The following ZNF717 variants were observed in gnomAD, a reference collection of about 807,000 sequenced individuals.
The protein encoded by ZNF717 is krueppel-like factor X17.
ZNF717 carries 9 observed loss-of-function variants against 13.8 expected under a neutral mutation model. The ratio of observed to expected loss-of-function variants is 0.65; its 90% confidence interval spans 0.39 to 1.14. The LOEUF (loss-of-function observed/expected upper bound fraction) is 1.14, where lower values mean the gene tolerates loss of function less well. Among genes scored for constraint, ZNF717 ranks in the 50% most tolerant of loss-of-function variants. ZNF717 has a pLI of 0.01. For missense variants in ZNF717, 1,040 were observed against 1,080.7 expected (o/e 0.96, Z 0.53); for synonymous variants, 327 against 364.1 (o/e 0.90, Z 1.16).
rs1169286279 is a variant in ZNF717, at chr3:75,739,592, CA to C, written c.278-248del. 2.6e-5 allele frequency among the ~76,000 whole-genome samples: 4 copies of C among 152,214 alleles called. No homozygotes were observed. In the East Asian group the frequency reaches 7.7e-4, roughly 29 times the overall value. On this transcript the variant is annotated intron_variant, in intron 4 of 4. Coordinates refer to ENST00000652011, the MANE Select transcript of ZNF717 (RefSeq NM_001290208.3). ...AGTTTTCCTGTTCTTTTTTATTTCACAAAGAATTATTTGGTAATAATATGCA... is the reference window on the plus strand; with the variant it reads ...AGTTTTCCTGTTCTTTTTTATTTCACAAGAATTATTTGGTAATAATATGCA...
At chr3:75,776,487 T>C (rs552855516) in intron 2 of ZNF717, among the ~76,000 whole-genome samples, 10 of 152,390 alleles carry the variant, frequency 6.6e-5, no homozygotes, top group African/African-American at 2.2e-4. Context: ...TATGCTGAAG[T>C]GTATTTTCAC....
At chr3:75,727,179 T>A (rs1406935561), downstream of ZNF717, among the ~76,000 whole-genome samples, 1 of 152,296 alleles carries the variant, frequency 6.6e-6, no homozygotes, top group African/African-American at 2.4e-5. Flanking sequence ...TGAGGATGTA[T>A]GTCGCCTCAA....
chr3:75,783,857 C>A (rs1392857228), intron 1 of ZNF717, among the ~76,000 whole-genome samples: 1 of 152,180 alleles, frequency 6.6e-6, no homozygotes. Context: ...TTTTGGCCTA[C>A]AATTACTTTT....
At chr3:75,750,767 C>T (rs2107384974) in intron 2 of ZNF717, among the ~76,000 whole-genome samples, 1 of 151,634 alleles carries the variant, frequency 6.6e-6, no homozygotes, top group South Asian at 2.1e-4. Flanking sequence ...TTCCAGAACT[C>T]CCCTCCTGTG....
chr3:75,740,212 T>C (rs1254272532), intron 4 of ZNF717, among the ~76,000 whole-genome samples: 1 of 152,220 alleles, frequency 6.6e-6, no homozygotes, highest in Non-Finnish European at 1.5e-5. Context: ...CACAGTTTTA[T>C]ATAAAAATGA....
intron 6 of ZNF717, among the ~76,000 whole-genome samples, chr3:75,699,674 A>G (rs1337003335): frequency 1.3e-5 from 2 of 152,384 alleles, no homozygotes; most frequent in African/African-American, 4.8e-5. Context: ...TACCCTGTAG[A>G]ACCATGAGCC....
downstream of ZNF717, among the ~76,000 whole-genome samples, chr3:75,705,970 T>C (rs1937795706): frequency 6.6e-6 from 1 of 152,312 alleles, no homozygotes; most frequent in African/African-American, 2.4e-5. Flanking sequence ...TACATGCTAA[T>C]AGGGTGGCAG....
Position 75,736,797 on chromosome 3 carries a change from G to A in ZNF717, c.*81C>T. On this transcript the variant is annotated 3_prime_UTR_variant, in exon 5 of 5. Transcript: ENST00000652011. Reference sequence around the variant, plus strand: ...TCTTGTTGGTAGGCCAGGAGGTAATGGTCACCATTTGTGTCCATATTCTCC... The same window carrying A: ...TCTTGTTGGTAGGCCAGGAGGTAATAGTCACCATTTGTGTCCATATTCTCC... 6 of 1,403,032 alleles carry A rather than the reference G, an allele frequency of 4.3e-6. 1 individual carries two copies. The highest frequency in any genetic ancestry group is 3.0e-5 in the South Asian group (2 of 66,266). The allele number at this position is 1,403,032 out of a possible 1,614,324, so 86.9% of individuals were successfully genotyped here. A position where few individuals can be genotyped will look rare whatever the true frequency, so the allele number is the denominator to read the frequency against.
downstream of ZNF717, among the ~76,000 whole-genome samples, chr3:75,709,139 C>G (rs1233969811): frequency 6.6e-6 from 1 of 151,870 alleles, no homozygotes; most frequent in Non-Finnish European, 1.5e-5. Context: ...GCTGGAATTA[C>G]AGGCTCATGC....
chr3:75,726,463 A>T (rs1195798154), downstream of ZNF717, among the ~76,000 whole-genome samples: 11 of 152,368 alleles, frequency 7.2e-5, no homozygotes, highest in African/African-American at 2.6e-4. Context: ...TCTCTACAAA[A>T]AATAGAAAAA....
chr3:75,733,958 CA>C (rs1938843684), downstream of ZNF717, among the ~76,000 whole-genome samples: 1 of 131,926 alleles, frequency 7.6e-6, no homozygotes, highest in African/African-American at 2.7e-5. Flanking sequence ...CCTGGACAAA[CA>C]AAAGTTGAGG....
chr3:75,724,479 A>C (rs1220714673), intron 4 of ZNF717, among the ~76,000 whole-genome samples: 1 of 150,988 alleles, frequency 6.6e-6, no homozygotes, highest in Non-Finnish European at 1.5e-5. Flanking sequence ...TTGAGCTCCA[A>C]AAGTGCTGGG....
At chr3:75,768,366 G>GT (rs1312408783) in intron 2 of ZNF717, among the ~76,000 whole-genome samples, 2 of 126,576 alleles carry the variant, frequency 1.6e-5, no homozygotes, top group Admixed American at 7.7e-5. Context: ...AGTGTGGGGG[G>GT]GGGGGGTAGA....
At chr3:75,713,433 G>A (rs1340578454) in intron 5 of ZNF717, among the ~76,000 whole-genome samples, 1 of 152,214 alleles carries the variant, frequency 6.6e-6, no homozygotes, top group Admixed American at 6.5e-5. Context: ...TCACAGGCAT[G>A]AGCCACTGTA....
At chr3:75,753,797 A>G (rs1575857377) in intron 2 of ZNF717, among the ~76,000 whole-genome samples, 1 of 66,024 alleles carries the variant, frequency 1.5e-5, no homozygotes, top group African/African-American at 5.1e-5. Context: ...TGTTCCTCAC[A>G]TAGGATTCCA....
At chr3:75,724,218 A>G (rs1452979741) in intron 4 of ZNF717, among the ~76,000 whole-genome samples, 1 of 151,824 alleles carries the variant, frequency 6.6e-6, no homozygotes, top group African/African-American at 2.4e-5. Context: ...CAGCGTGGCC[A>G]GGCATTCTGG....
intron 4 of ZNF717, 56 bp from the exon 5 acceptor site, chr3:75,739,401 C>G: frequency 7.4e-7 from 1 of 1,349,110 alleles, no homozygotes; most frequent in Non-Finnish European, 9.5e-7. Context: ...TTACAGAATG[C>G]TTGTGTAAAG....
At chr3:75,713,685 C>T (rs1937990742) in intron 5 of ZNF717, among the ~76,000 whole-genome samples, 1 of 152,046 alleles carries the variant, frequency 6.6e-6, no homozygotes, top group Admixed American at 6.5e-5. Flanking sequence ...GGACCAGCCC[C>T]ACAGGGTCTG....
At chr3:75,721,560 C>T (rs76358047) in intron 4 of ZNF717, among the ~76,000 whole-genome samples, 2 of 152,170 alleles carry the variant, frequency 1.3e-5, no homozygotes, top group Non-Finnish European at 2.9e-5. Flanking sequence ...GGATTACAGG[C>T]GTGAGCCCCC....
Sources: allele counts gnomAD v4.1 joint callset (sites outside exome capture counted in the v4.1 genomes callset), GRCh38; gene constraint gnomAD v4.1.1; transcripts MANE v1.5; gene names NCBI Gene and HGNC (gene_info 2026-07-23, HGNC 2026-07-21).